Variants in U2SURP observed in about 807,000 individuals in gnomAD.
U2SURP encodes the protein U2 snRNP-associated SURP motif-containing protein.
A neutral mutation model predicts 144.9 loss-of-function variants in U2SURP; 9 were observed. The observed-to-expected ratio is 0.06, with a 90% confidence interval of 0.04 to 0.11. The LOEUF (loss-of-function observed/expected upper bound fraction) is 0.11. Ranked by LOEUF, U2SURP falls within the 10% of genes least tolerant of loss-of-function variation. U2SURP has a pLI of 1.00. For missense variants in U2SURP, 724 were observed against 1,226.7 expected (o/e 0.59, Z 6.12); for synonymous variants, 408 against 396.8 (o/e 1.03, Z -0.33).
rs1185687778 is a variant in U2SURP at position 143,037,296 on chromosome 3, C to G, written c.2182C>G (p.Pro728Ala). 6.2e-7 allele frequency: 1 copy of G among 1,612,130 alleles called. No homozygotes were observed. The highest frequency in any genetic ancestry group is 1.1e-5 in the South Asian group (1 of 90,732). Reference sequence around the variant, plus strand: ...TCCCATCGATGATCTTGATGGAGTCCCTATAAAAAGTCTTGATGATGATCT... The same window carrying G: ...TCCCATCGATGATCTTGATGGAGTCGCTATAAAAAGTCTTGATGATGATCT... Reference protein sequence around the residue: ...ATPIDDLDGVPIKSLDDDLDG... With the variant: ...ATPIDDLDGVAIKSLDDDLDG... The change falls in exon 21 of 28, where the codon CCT becomes GCT. Residue 728 changes from proline to alanine, a missense_variant. Physicochemically the swap from Pro to Ala is conservative, Grantham distance 27. Transcript: ENST00000473835.
At chr3:143,019,261 G>A (rs545292432) in intron 6 of U2SURP, among the ~76,000 whole-genome samples, 1 of 152,254 alleles carries the variant, frequency 6.6e-6, no homozygotes, top group African/African-American at 2.4e-5. Flanking sequence ...TGGAAGCATG[G>A]AGGTTTTAAA....
intron 18 of U2SURP, among the ~76,000 whole-genome samples, chr3:143,033,906 A>G (rs1479558025): frequency 6.6e-6 from 1 of 152,220 alleles, no homozygotes; most frequent in African/African-American, 2.4e-5. Context: ...ACAGTATAAC[A>G]AATAGGTGTT....
intron 2 of U2SURP, among the ~76,000 whole-genome samples, chr3:143,011,528 A>G (rs1441303575): frequency 1.3e-5 from 2 of 152,150 alleles, no homozygotes; most frequent in African/African-American, 2.4e-5. Flanking sequence ...ATGCAAGTGT[A>G]GCTGGAGGTA....
chr3:143,022,454 T>C, intron 10 of U2SURP, 43 bp from the exon 11 acceptor site: 1 of 1,433,210 alleles, frequency 7.0e-7, no homozygotes, highest in South Asian at 1.7e-5. Context: ...ATTTTTTCTT[T>C]TCCCTTTTTT....
chr3:143,046,813 C>T lies in U2SURP; in HGVS notation c.2544+3537C>T, dbSNP rs1171301193. ...CAAAACCGCCATTGTCATCATGGCC[C>T]GTTCTCAATGAGCTGTTGGGTACAC... On this transcript the variant is annotated intron_variant, in intron 24 of 27. Transcript: ENST00000473835. Among the ~76,000 whole-genome samples the T allele has an allele frequency of 6.1e-5, 8 of 131,002 alleles. No homozygotes were observed. The South Asian group carries it at 7.9e-4, about 13-fold the overall frequency. 85.9% of individuals were successfully genotyped at this position (131,002 alleles called of 152,430 possible). A position where few individuals can be genotyped will look rare whatever the true frequency, so the allele number is the denominator to read the frequency against.
chr3:143,005,216 G>A (rs1407103929), intron 1 of U2SURP, among the ~76,000 whole-genome samples: 3 of 147,742 alleles, frequency 2.0e-5, no homozygotes, highest in Non-Finnish European at 4.4e-5. Context: ...AATACTACAG[G>A]CTTCCTTGGA....
In U2SURP at chr3:143,057,017, T is replaced by C. The variant is rs1212105626; in HGVS notation, c.*567T>C. The stretch of plus-strand genomic sequence containing the variant: ...CAAATTAAGGGACCTGAGACTCCTA[T>C]TTGGTGGTTTGCTAACCATTTGCTT... On this transcript the variant is annotated 3_prime_UTR_variant, in exon 28 of 28. Coordinates refer to ENST00000473835, the MANE Select transcript of U2SURP (RefSeq NM_001080415.2). 4 of 152,556 alleles carry C rather than the reference T, an allele frequency of 2.6e-5. No individual in the cohort carries two copies. Among genetic ancestry groups the C allele is most frequent in the Non-Finnish European group, 5.9e-5 (4 of 68,024 alleles). 9.5% of individuals were successfully genotyped at this position (152,556 alleles called of 1,614,324 possible).
intron 17 of U2SURP, 150 bp from the exon 18 acceptor site, chr3:143,033,121 T>A: frequency 1.2e-6 from 1 of 841,446 alleles, no homozygotes; most frequent in Non-Finnish European, 1.8e-6. Flanking sequence ...AGTTGAAATG[T>A]AAATGGGTTA....
chr3:143,031,650 A>G (rs1933504427), intron 16 of U2SURP, among the ~76,000 whole-genome samples: 1 of 152,242 alleles, frequency 6.6e-6, no homozygotes. Flanking sequence ...TGGTATAAAC[A>G]TAACTTTTAC....
chr3:143,025,270 C>T (rs563625580), intron 13 of U2SURP, among the ~76,000 whole-genome samples: 1 of 152,224 alleles, frequency 6.6e-6, no homozygotes, highest in South Asian at 2.1e-4. Flanking sequence ...AAAAAAAGCA[C>T]ATATCTAGTG....
intron 6 of U2SURP, among the ~76,000 whole-genome samples, chr3:143,017,575 A>G (rs1425794975): frequency 2.0e-5 from 3 of 151,068 alleles, no homozygotes; most frequent in African/African-American, 7.3e-5. Flanking sequence ...AAAAGCAATG[A>G]AAAAAAAACC....
At chr3:143,019,648 C>T (rs988457433) in intron 6 of U2SURP, among the ~76,000 whole-genome samples, 1 of 152,184 alleles carries the variant, frequency 6.6e-6, no homozygotes, top group African/African-American at 2.4e-5. Flanking sequence ...GTTCCAGTAA[C>T]TCATGTCCTC....
At chr3:143,050,769 G>A (rs572427930) in intron 24 of U2SURP, among the ~76,000 whole-genome samples, 170 bp from the exon 25 acceptor site, 1 of 152,210 alleles carries the variant, frequency 6.6e-6, no homozygotes, top group South Asian at 2.1e-4. Context: ...GTTCCCATCT[G>A]GTCAGCTGAT....
At chr3:143,020,738 G>T (rs759828151) in intron 8 of U2SURP, 45 bp downstream of exon 8, 1 of 1,443,754 alleles carries the variant, frequency 6.9e-7, no homozygotes, top group East Asian at 2.3e-5. Flanking sequence ...ATTAATTACA[G>T]TAGTTCCCAC....
At chr3:143,022,780 T>G (rs1342001364) in intron 11 of U2SURP, 73 bp from the exon 12 acceptor site, 1 of 1,463,266 alleles carries the variant, frequency 6.8e-7, no homozygotes, top group Non-Finnish European at 9.1e-7. Flanking sequence ...GAAAATTATT[T>G]CAACTCACCA....
intron 4 of U2SURP, 99 bp downstream of exon 4, chr3:143,014,508 C>CT: frequency 1.4e-6 from 1 of 708,766 alleles, no homozygotes; most frequent in Non-Finnish European, 2.2e-6. Context: ...TTCTTAACCT[C>CT]TAGGATATTC....
At chr3:143,030,462 A>C (rs1011661194) in intron 16 of U2SURP, among the ~76,000 whole-genome samples, 6 of 152,224 alleles carry the variant, frequency 3.9e-5, no homozygotes, top group Non-Finnish European at 7.3e-5. Context: ...CACTGTTGAG[A>C]CCTGCTCAAT....
intron 24 of U2SURP, among the ~76,000 whole-genome samples, chr3:143,046,290 ATT>A (rs1314890479): frequency 1.6e-4 from 9 of 55,142 alleles, no homozygotes; most frequent in African/African-American, 4.9e-4. Flanking sequence ...TTTTTAGTTT[ATT>A]TTTTATTTTT....
intron 24 of U2SURP, among the ~76,000 whole-genome samples, chr3:143,049,914 G>GTA (rs1934763082): frequency 6.6e-6 from 1 of 152,042 alleles, no homozygotes; most frequent in Non-Finnish European, 1.5e-5. Context: ...CAGTATATAA[G>GTA]TATATTACAT....
Sources: gnomAD v4.1 joint callset for allele counts (sites outside exome capture counted in the v4.1 genomes callset) on GRCh38, gnomAD v4.1.1 for gene constraint, MANE v1.5 for transcripts, NCBI Gene and HGNC (gene_info 2026-07-23, HGNC 2026-07-21) for gene names.